Variants in COMMD6 observed in about 807,000 individuals in gnomAD.
The protein encoded by COMMD6 is COMM domain containing 6.
Under a neutral mutation model 13.4 loss-of-function variants are expected in COMMD6, and 11 were observed. The observed-to-expected ratio is 0.82, with a 90% CI of 0.52 to 1.36. The LOEUF (loss-of-function observed/expected upper bound fraction) is 1.36. Among genes scored for constraint, COMMD6 ranks in the 40% most tolerant of loss-of-function variants. The pLI is 0.00. For synonymous variants in COMMD6, 43 were observed against 36.5 expected (o/e 1.18, Z -0.64); for missense variants, 124 against 102.4 (o/e 1.21, Z -0.91).
At chr13:75,532,710 A>C (rs1399430430) in intron 2 of COMMD6, among the ~76,000 whole-genome samples, 1 of 152,226 alleles carries the variant, frequency 6.6e-6, no homozygotes, top group Non-Finnish European at 1.5e-5. Flanking sequence ...ACACGCCTGT[A>C]GTCTTAATTT....
intron 2 of COMMD6, 96 bp downstream of exon 2, chr13:75,537,568 G>A: frequency 6.3e-7 from 1 of 1,579,592 alleles, no homozygotes; most frequent in Non-Finnish European, 8.6e-7. Context: ...GCGGACACAG[G>A]ACTAGGGGAG....
At chr13:75,534,738 T>C (rs1298385155) in intron 2 of COMMD6, among the ~76,000 whole-genome samples, 1 of 152,054 alleles carries the variant, frequency 6.6e-6, no homozygotes, top group Non-Finnish European at 1.5e-5. Context: ...AAAGTAAATA[T>C]ATAAAAAGGT....
chr13:75,526,025 A>T lies in COMMD6; in HGVS notation c.*564T>A, dbSNP rs561264912. The T allele has an allele frequency of 1.3e-5, 2 of 152,210 alleles. No homozygotes were observed. The highest frequency in any genetic ancestry group is 4.8e-5 in the African/African-American group (2 of 41,448). 9.4% of individuals were successfully genotyped at this position (152,210 alleles called of 1,614,324 possible). ...TTTGAACTTTCTACAACCATTAATA[A>T]CAGAAATAATTGAATGCTAGACTAA... On this transcript the variant is annotated 3_prime_UTR_variant, in exon 4 of 4. Transcript: ENST00000682242.
chr13:75,537,683 G>A lies in COMMD6; in HGVS notation c.43-8C>T. ...ACCCACCTGGTTGGTGACCTGAAAC[G>A]GAAGCAGAAACACAATTTAGAGAAA... On this transcript the variant is annotated splice_region_variant and splice_polypyrimidine_tract_variant and intron_variant, in intron 1 of 3. Coordinates refer to ENST00000682242, the MANE Select transcript of COMMD6 (RefSeq NM_203495.4). 2.5e-6 allele frequency: 4 copies of A among 1,613,992 alleles called. No homozygotes were observed. The highest frequency in any genetic ancestry group is 3.4e-6 in the Non-Finnish European group (4 of 1,179,886).
At chr13:75,532,487 C>T (rs893370104) in intron 2 of COMMD6, among the ~76,000 whole-genome samples, 2 of 152,140 alleles carry the variant, frequency 1.3e-5, no homozygotes, top group East Asian at 1.9e-4. Flanking sequence ...AAATATTGGG[C>T]GGAACCAATT....
Position 75,537,777 on chromosome 13 carries a change from T to C in COMMD6, c.29A>G (p.Asp10Gly). The C allele has an allele frequency of 4.3e-6, 7 of 1,611,822 alleles. No homozygotes were observed. The highest frequency in any genetic ancestry group is 5.9e-6 in the Non-Finnish European group (7 of 1,178,328). Residue 10 changes from aspartate (D) to glycine (G), a missense_variant, in exon 1 of 4, where the codon GAT becomes GGT. Asp to Gly is a moderately conservative substitution (Grantham distance 94). Coordinates refer to ENST00000682242, the MANE Select transcript of COMMD6 (RefSeq NM_203495.4). ...GTTGGAACTCACATCGGACTTAGCA[T>C]CCAGCGGCGGCTCGCTGGACGCCTC... MEASSEPPL[D>G]AKSDVTNQLV...
upstream of COMMD6, chr13:75,537,848 C>A (rs2030739248): frequency 1.3e-6 from 2 of 1,548,876 alleles, no homozygotes; most frequent in Admixed American, 1.9e-5. Flanking sequence ...AGAGAACGCC[C>A]CCAGACCAGC....
intron 1 of COMMD6, among the ~76,000 whole-genome samples, chr13:75,544,926 CAAAAAA>C (rs10708731): frequency 3.8e-5 from 4 of 104,546 alleles, no homozygotes; most frequent in Non-Finnish European, 5.8e-5. Flanking sequence ...ACTCTGTCTC[CAAAAAA>C]AAAAAAAAAA....
chr13:75,525,624 C>G lies in COMMD6; in HGVS notation c.*965G>C, dbSNP rs548719113. 6.6e-6 allele frequency: 1 copy of G among 152,288 alleles called. No individual in the cohort carries two copies. Among genetic ancestry groups the G allele is most frequent in the Non-Finnish European group, 1.5e-5 (1 of 68,092 alleles). 9.4% of individuals were successfully genotyped at this position (152,288 alleles called of 1,614,324 possible). ...CATCAAGCTGGTAGGAATCTGAGCG[C>G]ACAGGTGGGCTGCGGCAGGCAGCAG... is the stretch of plus-strand genomic sequence containing the variant. On this transcript the variant is annotated 3_prime_UTR_variant, in exon 4 of 4. Transcript: ENST00000682242.
chr13:75,537,338 C>T (rs1408279691), intron 2 of COMMD6: 6 of 1,550,416 alleles, frequency 3.9e-6, no homozygotes, highest in African/African-American at 1.4e-5. Flanking sequence ...GCGGTGCTAT[C>T]TCTGCAAATT....
chr13:75,539,078 T>C (rs1566201174), upstream of COMMD6, among the ~76,000 whole-genome samples: 1 of 152,148 alleles, frequency 6.6e-6, no homozygotes, highest in East Asian at 1.9e-4. Context: ...CAAGTCCTCC[T>C]CACACTTTAA....
Position 75,526,529 on chromosome 13 carries a change from G to T in COMMD6, c.*60C>A. The T allele has an allele frequency of 1.8e-6, 2 of 1,136,606 alleles. No homozygotes were observed. The highest frequency in any genetic ancestry group is 2.5e-6 in the Non-Finnish European group (2 of 792,086). The allele number at this position is 1,136,606 out of a possible 1,614,324, so 70.4% of individuals were successfully genotyped here. On this transcript the variant is annotated 3_prime_UTR_variant, in exon 4 of 4. Transcript: ENST00000682242. ...TGTTCCATCCTTATTTAGTTTTGTT[G>T]CCGAAAGTGAAGTCCATGACTTTAG...
chr13:75,534,114 T>C (rs370581392), intron 2 of COMMD6, among the ~76,000 whole-genome samples: 8 of 152,226 alleles, frequency 5.3e-5, no homozygotes, highest in African/African-American at 1.9e-4. Context: ...TGTTTGAGTA[T>C]GAAATAAGTA....
chr13:75,537,673 G>T lies in COMMD6; in HGVS notation c.45C>A (p.Val15=). The change falls in exon 2 of 4, where the codon GTC becomes GTA. Residue 15 remains valine (V), a splice_region_variant and synonymous_variant. Coordinates refer to ENST00000682242, the MANE Select transcript of COMMD6 (RefSeq NM_203495.4). ...GCGGCCGCTCACCCACCTGGTTGGT[G>T]ACCTGAAACGGAAGCAGAAACACAA... is the stretch of plus-strand genomic sequence containing the variant. The part of the protein sequence containing the change: ...SEPPLDAKSD[V]TNQLVDFQWK... The T allele has an allele frequency of 6.2e-7, 1 of 1,613,952 alleles. No homozygotes were observed. Among genetic ancestry groups the T allele is most frequent in the Non-Finnish European group, 8.5e-7 (1 of 1,179,868 alleles).
intron 2 of COMMD6, 177 bp downstream of exon 2, chr13:75,537,487 G>A (rs1169025649): frequency 6.4e-7 from 1 of 1,553,992 alleles, no homozygotes. Context: ...TCATTACAAT[G>A]GCAACGGCTA....
chr13:75,542,299 T>TC (rs2138429392), upstream of COMMD6, among the ~76,000 whole-genome samples: 1 of 151,414 alleles, frequency 6.6e-6, no homozygotes, highest in African/African-American at 2.4e-5. Context: ...CCTTTTTTTT[T>TC]TTTTTTTGAT....
chr13:75,547,714 T>C (rs986029852), intron 1 of COMMD6, among the ~76,000 whole-genome samples: 2 of 152,250 alleles, frequency 1.3e-5, no homozygotes, highest in African/African-American at 2.4e-5. Context: ...AGTTTAACTC[T>C]ACAAATTAGA....
rs895112405 is a variant in COMMD6, at chr13:75,525,245, C to G, written c.*1344G>C. 6.6e-6 allele frequency: 1 copy of G among 152,092 alleles called. No homozygotes were observed. Among genetic ancestry groups the G allele is most frequent in the Non-Finnish European group, 1.5e-5 (1 of 68,026 alleles). The allele number at this position is 152,092 out of a possible 1,614,324, so 9.4% of individuals were successfully genotyped here. A position where few individuals can be genotyped will look rare whatever the true frequency, so the allele number is the denominator to read the frequency against. ...GCAATTTAAATTTATTTCAAATCTGCTACCCACAGTGTTTGAGCCAGGGCC... is the reference window on the plus strand; with the variant it reads ...GCAATTTAAATTTATTTCAAATCTGGTACCCACAGTGTTTGAGCCAGGGCC... On this transcript the variant is annotated 3_prime_UTR_variant, in exon 4 of 4. Coordinates refer to ENST00000682242, the MANE Select transcript of COMMD6 (RefSeq NM_203495.4).
At chr13:75,530,449 A>G (rs1172111154) in intron 2 of COMMD6, 183 bp from the exon 3 acceptor site, 3 of 460,900 alleles carry the variant, frequency 6.5e-6, no homozygotes, top group Non-Finnish European at 1.1e-5. Context: ...GAGAGGTTAT[A>G]AGGGATATAA....
Sources: allele counts gnomAD v4.1 joint callset (sites outside exome capture counted in the v4.1 genomes callset), GRCh38; gene constraint gnomAD v4.1.1; transcripts MANE v1.5; gene names NCBI Gene and HGNC (gene_info 2026-07-23, HGNC 2026-07-21).